HMGB1: variants seen among roughly 807,000 people sequenced by gnomAD.
The protein encoded by HMGB1 is high mobility group box 1.
For synonymous variants in HMGB1, 81 were observed against 84.0 expected, an observed-to-expected ratio of 0.96 and a Z score of 0.19; for missense variants, 79 against 253.5, an observed-to-expected ratio of 0.31 and a Z score of 4.67.
In HMGB1 at chr13:30,495,166, T is replaced by C. The variant is rs1232966227; in HGVS notation, c.-14-31472A>G. On this transcript the variant is annotated intron_variant, in intron 1 of 4. Transcript: ENST00000405805. Reference sequence around the variant, plus strand: ...TCATCTTTTGGCTGGACTATTTCAATGGGCTATTCACTGCCATCCTTACCT... The same window carrying C: ...TCATCTTTTGGCTGGACTATTTCAACGGGCTATTCACTGCCATCCTTACCT... Among the ~76,000 whole-genome samples the C allele has an allele frequency of 2.0e-5, 3 of 152,220 alleles. No homozygotes were observed. The East Asian group carries it at 5.8e-4, about 29-fold the overall frequency.
At chr13:30,485,423 C>T (rs529127114) in intron 1 of HMGB1, among the ~76,000 whole-genome samples, 2 of 152,304 alleles carry the variant, frequency 1.3e-5, no homozygotes, top group South Asian at 4.1e-4. Context: ...GGGCAGCCCC[C>T]AAAGGGCACC....
At chr13:30,502,145 T>C (rs1188696161) in intron 1 of HMGB1, among the ~76,000 whole-genome samples, 2 of 152,228 alleles carry the variant, frequency 1.3e-5, no homozygotes, top group Admixed American at 1.3e-4. Context: ...ATTAGAAAGT[T>C]TGAGTCAGCC....
intron 1 of HMGB1, among the ~76,000 whole-genome samples, chr13:30,497,409 T>G (rs1216893905): frequency 6.6e-6 from 1 of 150,820 alleles, no homozygotes; most frequent in Non-Finnish European, 1.5e-5. Context: ...TTTTGTATTT[T>G]TAGTAGAGAT....
intron 1 of HMGB1, among the ~76,000 whole-genome samples, chr13:30,613,099 C>T (rs549101940): frequency 5.9e-5 from 9 of 152,228 alleles, no homozygotes; most frequent in African/African-American, 2.2e-4. Context: ...TTTTGTTTTT[C>T]TGACAGTATG....
intron 1 of HMGB1, among the ~76,000 whole-genome samples, chr13:30,497,796 T>A (rs1359521022): frequency 6.6e-6 from 1 of 152,214 alleles, no homozygotes; most frequent in Non-Finnish European, 1.5e-5. Flanking sequence ...TATTCTTTTT[T>A]ATGGCTGGGT....
chr13:30,481,298 C>T (rs550846820), intron 1 of HMGB1, among the ~76,000 whole-genome samples: 3 of 140,426 alleles, frequency 2.1e-5, no homozygotes, highest in African/African-American at 7.8e-5. Flanking sequence ...AGAAGAAGAT[C>T]TGCTACAGCA....
In HMGB1 at chr13:30,544,653, C is replaced by T. The variant is rs1041262537; in HGVS notation, c.-15+72018G>A. On this transcript the variant is annotated intron_variant, in intron 1 of 4. Transcript: ENST00000405805. ...CCCTTCCCCCACACCTGGCCCTATG[C>T]ATCTTTCCCATCTGTTCCTCTGTAT... Among the ~76,000 whole-genome samples, 6 of 152,218 alleles carry T rather than the reference C, an allele frequency of 3.9e-5. No homozygotes were observed. The South Asian group carries it at 1.2e-3, about 32-fold the overall frequency.
At chr13:30,522,758 G>C (rs940223739) in intron 1 of HMGB1, among the ~76,000 whole-genome samples, 2 of 151,080 alleles carry the variant, frequency 1.3e-5, no homozygotes, top group Non-Finnish European at 2.9e-5. Context: ...TTGAGACAAG[G>C]TCTTGCTCTA....
At chr13:30,568,122 C>T (rs977847514) in intron 1 of HMGB1, among the ~76,000 whole-genome samples, 3 of 152,178 alleles carry the variant, frequency 2.0e-5, no homozygotes, top group Non-Finnish European at 4.4e-5. Context: ...TCTGGTTCTT[C>T]TCTCTTACCT....
At chr13:30,474,458 T>A (rs1887018670) in intron 1 of HMGB1, among the ~76,000 whole-genome samples, 1 of 152,192 alleles carries the variant, frequency 6.6e-6, no homozygotes, top group South Asian at 2.1e-4. Context: ...AGCGCTTTTA[T>A]AGGGATACCG....
intron 1 of HMGB1, among the ~76,000 whole-genome samples, chr13:30,569,139 C>T (rs1371445424): frequency 6.6e-6 from 1 of 152,206 alleles, no homozygotes; most frequent in Non-Finnish European, 1.5e-5. Flanking sequence ...GCACTCCAGC[C>T]TGGGTGACAG....
intron 1 of HMGB1, among the ~76,000 whole-genome samples, chr13:30,547,433 T>C (rs529946196): frequency 4.2e-4 from 64 of 152,290 alleles, no homozygotes; most frequent in Non-Finnish European, 7.6e-4. Flanking sequence ...TGGTTTCCTC[T>C]ACCCACAGCC....
chr13:30,491,959 G>C (rs564266271), intron 1 of HMGB1, among the ~76,000 whole-genome samples: 1 of 151,436 alleles, frequency 6.6e-6, no homozygotes, highest in Non-Finnish European at 1.5e-5. Flanking sequence ...AGGAGGTCAG[G>C]AGATCAAGAC....
At chr13:30,476,865 CAA>C (rs35075993) in intron 1 of HMGB1, among the ~76,000 whole-genome samples, 11 of 135,514 alleles carry the variant, frequency 8.1e-5, no homozygotes, top group Admixed American at 1.5e-4. Flanking sequence ...GATTCTGTCT[CAA>C]AAAAAAAAAA....
intron 1 of HMGB1, among the ~76,000 whole-genome samples, chr13:30,519,616 C>G (rs193103433): frequency 3.3e-5 from 5 of 151,496 alleles, no homozygotes; most frequent in Admixed American, 2.0e-4. Context: ...AGGAGAATGG[C>G]GTGAACCCAG....
chr13:30,497,092 A>G (rs1355811883), intron 1 of HMGB1, among the ~76,000 whole-genome samples: 2 of 151,984 alleles, frequency 1.3e-5, no homozygotes, highest in Admixed American at 6.6e-5. Context: ...ATGATCCCCT[A>G]TCTCTTTTCG....
At chr13:30,486,099 A>G (rs187752019) in intron 1 of HMGB1, among the ~76,000 whole-genome samples, 17 of 152,324 alleles carry the variant, frequency 1.1e-4, no homozygotes, top group African/African-American at 3.8e-4. Flanking sequence ...TAAATAAGGT[A>G]TTGTTAAGGA....
Position 30,538,563 on chromosome 13 carries a change from CTTCTTTT to C in HMGB1, c.-14-74876_-14-74870del, listed in dbSNP as rs766350559. Among the ~76,000 whole-genome samples, 42 of 75,298 alleles carry C rather than the reference CTTCTTTT, an allele frequency of 5.6e-4. 2 individuals are homozygous for C. Among genetic ancestry groups the C allele is most frequent in the Middle Eastern group, 0.014 (2 of 140 alleles). 49.4% of individuals were successfully genotyped at this position (75,298 alleles called of 152,430 possible). A position where few individuals can be genotyped will look rare whatever the true frequency, so the allele number is the denominator to read the frequency against. On this transcript the variant is annotated intron_variant, in intron 1 of 4. Coordinates refer to the HMGB1 transcript ENST00000405805. ...TTTCTTTCTTTCTTTCTTTTTCTTT[CTTCTTTT>C]TCTTTCTTTCTTTCTTTTTCTTTCT...
At chr13:30,544,885 C>T (rs1474051344) in intron 1 of HMGB1, among the ~76,000 whole-genome samples, 1 of 152,140 alleles carries the variant, frequency 6.6e-6, no homozygotes, top group African/African-American at 2.4e-5. Flanking sequence ...CCAGGACAGG[C>T]AGAGAACTGG....
Sources: gnomAD v4.1 joint callset for allele counts (sites outside exome capture counted in the v4.1 genomes callset) on GRCh38, gnomAD v4.1.1 for gene constraint, MANE v1.5 for transcripts, NCBI Gene and HGNC (gene_info 2026-07-23, HGNC 2026-07-21) for gene names.